FCHSD2: variants seen among roughly 807,000 people sequenced by gnomAD.
The protein encoded by FCHSD2 is FCH and double SH3 domains 2.
FCHSD2 carries 38 observed loss-of-function variants against 108.1 expected under a neutral mutation model. That is an observed-to-expected ratio of 0.35 (90% CI 0.27 to 0.46). FCHSD2 has a LOEUF of 0.46. Among genes scored for constraint, FCHSD2 ranks in the 20% least tolerant of loss-of-function variants. FCHSD2 has a pLI of 1.00. For synonymous variants in FCHSD2, 279 were observed against 314.7 expected (o/e 0.89, Z 1.20); for missense variants, 751 against 897.8 (o/e 0.84, Z 2.09).
chr11:73,057,739 A>T (rs534321714), intron 3 of FCHSD2, among the ~76,000 whole-genome samples: 2 of 152,192 alleles, frequency 1.3e-5, no homozygotes, highest in Non-Finnish European at 2.9e-5. Context: ...AATCAAGCTC[A>T]GTCCCTAACC....
intron 8 of FCHSD2, among the ~76,000 whole-genome samples, chr11:72,965,279 C>T (rs1476993372): frequency 6.6e-6 from 1 of 152,066 alleles, no homozygotes; most frequent in Non-Finnish European, 1.5e-5. Context: ...TTATTGTTGC[C>T]TCTATACTTG....
At position 73,015,902 on chromosome 11, in the gene FCHSD2, AT is replaced by A; in HGVS notation, c.166-18del. On this transcript the variant is annotated intron_variant, in intron 3 of 19. Transcript: ENST00000409418. ...CTGCATACCCTGTTAAAAAATACAT[AT>A]TTTTTCTAAAATAAATATTATGCCA... 7.0e-7 allele frequency: 1 copy of A among 1,434,018 alleles called. No homozygotes were observed. Among genetic ancestry groups the A allele is most frequent in the Non-Finnish European group, 9.6e-7 (1 of 1,036,832 alleles). The allele number at this position is 1,434,018 out of a possible 1,614,324, so 88.8% of individuals were successfully genotyped here. A position where few individuals can be genotyped will look rare whatever the true frequency, so the allele number is the denominator to read the frequency against.
At chr11:73,072,302 C>T (rs369636857) in intron 3 of FCHSD2, among the ~76,000 whole-genome samples, 10 of 151,566 alleles carry the variant, frequency 6.6e-5, no homozygotes, top group South Asian at 4.2e-4. Flanking sequence ...GATGTGCTAC[C>T]GAATAGCCAT....
At chr11:72,912,060 G>GT (rs1275087653) in intron 9 of FCHSD2, among the ~76,000 whole-genome samples, 2 of 152,154 alleles carry the variant, frequency 1.3e-5, no homozygotes, top group Admixed American at 1.3e-4. Flanking sequence ...GAGTCTTCAG[G>GT]TTTTTCAAAA....
chr11:72,860,751 G>A (rs1861552130), intron 13 of FCHSD2, among the ~76,000 whole-genome samples: 1 of 151,954 alleles, frequency 6.6e-6, no homozygotes, highest in African/African-American at 2.4e-5. Flanking sequence ...CTGGGAGGAG[G>A]AGGTTGCCGT....
chr11:72,901,381 A>C (rs981284941), intron 10 of FCHSD2, among the ~76,000 whole-genome samples: 1 of 152,132 alleles, frequency 6.6e-6, no homozygotes, highest in Non-Finnish European at 1.5e-5. Flanking sequence ...CCAGTGACAG[A>C]GTGAGACCCT....
intron 8 of FCHSD2, among the ~76,000 whole-genome samples, chr11:72,962,482 C>T (rs865879107): frequency 6.6e-6 from 1 of 152,044 alleles, no homozygotes; most frequent in Non-Finnish European, 1.5e-5. Flanking sequence ...CTGGTATAAG[C>T]GATTGATATT....
chr11:72,943,424 A>G (rs758056538), intron 8 of FCHSD2, among the ~76,000 whole-genome samples: 19 of 152,360 alleles, frequency 1.2e-4, no homozygotes, highest in African/African-American at 3.4e-4. Flanking sequence ...TTTGAGTAGG[A>G]AAGGATTAGT....
chr11:72,967,479 T>C (rs998028342), intron 8 of FCHSD2, among the ~76,000 whole-genome samples: 1 of 152,154 alleles, frequency 6.6e-6, no homozygotes, highest in African/African-American at 2.4e-5. Context: ...TGAATGAACC[T>C]TGAAAACATG....
At chr11:73,029,302 T>A (rs1416316740) in intron 3 of FCHSD2, among the ~76,000 whole-genome samples, 3 of 152,190 alleles carry the variant, frequency 2.0e-5, no homozygotes, top group Non-Finnish European at 4.4e-5. Context: ...GGACCAGGAA[T>A]CTTGTCTCCC....
chr11:72,919,355 T>C (rs1855936030), intron 9 of FCHSD2, among the ~76,000 whole-genome samples: 1 of 152,210 alleles, frequency 6.6e-6, no homozygotes, highest in South Asian at 2.1e-4. Context: ...GGGAGTGAGA[T>C]ACTCATATGA....
rs1565339614 is a variant in FCHSD2 at position 72,954,196 on chromosome 11, A to AATTTTTTTTTTTT, written c.705+29891_705+29892insAAAAAAAAAAAAT. Among the ~76,000 whole-genome samples, 9 of 111,702 alleles carry AATTTTTTTTTTTT rather than the reference A, an allele frequency of 8.1e-5. 3 individuals carry two copies. Among genetic ancestry groups the AATTTTTTTTTTTT allele is most frequent in the Non-Finnish European group, 1.3e-4 (7 of 55,680 alleles). The allele number at this position is 111,702 out of a possible 152,430, so 73.3% of individuals were successfully genotyped here. The stretch of plus-strand genomic sequence containing the variant: ...TAGAATATTAGCAGTAGATGTGGGG[A>AATTTTTTTTTTTT]TTTTTTTTTTTTTTTTTTTTTTTTT... On this transcript the variant is annotated intron_variant, in intron 8 of 19. Transcript: ENST00000409418.
intron 10 of FCHSD2, among the ~76,000 whole-genome samples, chr11:72,901,983 T>A (rs780093991): frequency 7.2e-5 from 11 of 152,102 alleles, no homozygotes; most frequent in Non-Finnish European, 1.3e-4. Context: ...CAAGTGATTC[T>A]CCTGCTTTAG....
chr11:72,855,208 G>A (rs1264296294), intron 13 of FCHSD2, among the ~76,000 whole-genome samples: 5 of 152,194 alleles, frequency 3.3e-5, no homozygotes, highest in Non-Finnish European at 5.9e-5. Context: ...GGGAGGCGGA[G>A]GTTGCTGTGA....
chr11:72,839,926 A>G (rs1015363486), intron 19 of FCHSD2, among the ~76,000 whole-genome samples: 2 of 152,230 alleles, frequency 1.3e-5, no homozygotes, highest in African/African-American at 4.8e-5. Flanking sequence ...TTATCAGCAG[A>G]GACAGGTGGC....
At chr11:73,122,558 A>T (rs1170488835) in intron 2 of FCHSD2, among the ~76,000 whole-genome samples, 1 of 152,244 alleles carries the variant, frequency 6.6e-6, no homozygotes, top group Non-Finnish European at 1.5e-5. Flanking sequence ...GCTAAGGAAT[A>T]GAGACTTAAA....
intron 13 of FCHSD2, among the ~76,000 whole-genome samples, chr11:72,861,261 T>C (rs1861565571): frequency 6.6e-6 from 1 of 152,082 alleles, no homozygotes; most frequent in Non-Finnish European, 1.5e-5. Context: ...AACAACTTTG[T>C]GCCAATAAAT....
At chr11:73,018,517 CTTTTTTT>C (rs543899306) in intron 3 of FCHSD2, among the ~76,000 whole-genome samples, 1 of 138,186 alleles carries the variant, frequency 7.2e-6, no homozygotes, top group East Asian at 2.1e-4. Context: ...CAGATCTTGT[CTTTTTTT>C]TTTTTTTTTA....
chr11:73,031,454 G>A (rs1232169587), intron 3 of FCHSD2, among the ~76,000 whole-genome samples: 1 of 151,882 alleles, frequency 6.6e-6, no homozygotes, highest in African/African-American at 2.4e-5. Context: ...CTGGGTGACA[G>A]AACAAGACCC....
Sources: gnomAD v4.1 joint callset for allele counts (sites outside exome capture counted in the v4.1 genomes callset) on GRCh38, gnomAD v4.1.1 for gene constraint, MANE v1.5 for transcripts, NCBI Gene and HGNC (gene_info 2026-07-23, HGNC 2026-07-21) for gene names.